CNGA1: variants seen among roughly 807,000 people sequenced by gnomAD.
CNGA1 encodes cyclic nucleotide gated channel subunit alpha 1.
In CNGA1, 53 loss-of-function variants were observed where a neutral mutation model predicts 69.7. That is an observed-to-expected ratio of 0.76 (90% CI 0.61 to 0.96). The LOEUF (loss-of-function observed/expected upper bound fraction) is 0.96, where lower values mean the gene tolerates loss of function less well. Ranked by LOEUF, CNGA1 falls within the 40% of genes least tolerant of loss-of-function variation. The pLI, the probability that CNGA1 is intolerant of heterozygous loss-of-function variation, is 0.00. For missense variants in CNGA1, 739 were observed against 811.2 expected (o/e 0.91, Z 1.08); for synonymous variants, 249 against 283.5 (o/e 0.88, Z 1.22).
At chr4:47,981,327 T>A (rs1449339735) in intron 3 of CNGA1, 66 bp downstream of exon 3, 5 of 151,990 alleles carry the variant, frequency 3.3e-5, no homozygotes, top group South Asian at 2.1e-4. Context: ...CTTTAAAGAG[T>A]CAAAACAGAA....
chr4:47,942,016 A>C, intron 9 of CNGA1, 25 bp downstream of exon 9: 1 of 1,401,078 alleles, frequency 7.1e-7, no homozygotes, highest in East Asian at 2.5e-5. Context: ...GATCCACAAA[A>C]AAAAAAAAAA....
At chr4:47,979,375 G>C (rs1439083103) in intron 3 of CNGA1, among the ~76,000 whole-genome samples, 1 of 151,116 alleles carries the variant, frequency 6.6e-6, no homozygotes, top group African/African-American at 2.4e-5. Context: ...CATGGGAAAG[G>C]ACATTATATT....
intron 6 of CNGA1, among the ~76,000 whole-genome samples, chr4:47,947,859 A>G (rs1739498637): frequency 6.6e-6 from 1 of 152,210 alleles, no homozygotes; most frequent in Admixed American, 6.5e-5. Flanking sequence ...GTGTGAGCAC[A>G]AAGTTTGAAA....
intron 10 of CNGA1, among the ~76,000 whole-genome samples, chr4:47,938,967 A>T (rs1419988996): frequency 6.7e-6 from 1 of 150,234 alleles, no homozygotes; most frequent in Non-Finnish European, 1.5e-5. Flanking sequence ...AGGGAAAGAA[A>T]GAAAGAAAGA....
At chr4:47,976,026 A>T (rs1333222201) in intron 3 of CNGA1, among the ~76,000 whole-genome samples, 2 of 151,118 alleles carry the variant, frequency 1.3e-5, no homozygotes, top group Non-Finnish European at 3.0e-5. Context: ...ATTCATGCTG[A>T]TGACAGGTGT....
chr4:47,957,002 T>G (rs184793465), intron 3 of CNGA1, among the ~76,000 whole-genome samples: 2 of 152,224 alleles, frequency 1.3e-5, no homozygotes, highest in Non-Finnish European at 2.9e-5. Flanking sequence ...AGCACAATCT[T>G]GGTTCACTGC....
chr4:47,938,251 G>T (rs1024035290), intron 10 of CNGA1, among the ~76,000 whole-genome samples: 1 of 151,864 alleles, frequency 6.6e-6, no homozygotes, highest in Admixed American at 6.6e-5. Flanking sequence ...ATCTCTCAAG[G>T]TCTATCATCA....
intron 10 of CNGA1, 77 bp downstream of exon 10, chr4:47,940,686 G>T: frequency 1.9e-6 from 2 of 1,034,718 alleles, no homozygotes; most frequent in Non-Finnish European, 3.0e-6. Context: ...AAGAATACTT[G>T]GATTAGGAAA....
chr4:47,968,183 T>A (rs6814656), intron 3 of CNGA1, among the ~76,000 whole-genome samples: 97,813 of 151,932 alleles, frequency 0.64, 31,904 homozygotes, highest in Non-Finnish European at 0.69. Flanking sequence ...TACAAGGGGA[T>A]CTTAGATAAT....
At chr4:47,982,763 C>G (rs1257321241) in intron 2 of CNGA1, among the ~76,000 whole-genome samples, 2 of 151,976 alleles carry the variant, frequency 1.3e-5, no homozygotes, top group East Asian at 3.9e-4. Context: ...ATTCATTTTC[C>G]TATTATTGGA....
At chr4:47,983,058 C>T (rs1741804357) in intron 2 of CNGA1, among the ~76,000 whole-genome samples, 1 of 152,150 alleles carries the variant, frequency 6.6e-6, no homozygotes, top group Non-Finnish European at 1.5e-5. Context: ...CCCACCTGGG[C>T]CTCCCAAAGT....
chr4:47,986,451 T>G (rs2110226561), intron 2 of CNGA1, among the ~76,000 whole-genome samples: 1 of 152,170 alleles, frequency 6.6e-6, no homozygotes, highest in East Asian at 1.9e-4. Flanking sequence ...TCTAAGTAAT[T>G]TATTATATAA....
rs188700627 is a variant in CNGA1, at chr4:47,971,350, T to C, written c.-15+10043A>G. Among the ~76,000 whole-genome samples the C allele has an allele frequency of 2.8e-4, 42 of 152,246 alleles. 1 individual carries two copies. The East Asian group carries it at 2.9e-3, about 10-fold the overall frequency. ...CTGTATATATTTTATACATTTTGAA[T>C]GTTGTATCATGTAAATTAATTACTT... On this transcript the variant is annotated intron_variant, in intron 3 of 10. Coordinates refer to ENST00000514170, the MANE Select transcript of CNGA1 (RefSeq NM_001379270.1).
At chr4:47,986,241 C>G (rs1031783373) in intron 2 of CNGA1, among the ~76,000 whole-genome samples, 2 of 152,068 alleles carry the variant, frequency 1.3e-5, no homozygotes, top group Non-Finnish European at 2.9e-5. Context: ...AACCCCATCT[C>G]TACTAAAATA....
At chr4:47,956,095 C>T (rs750834528) in intron 3 of CNGA1, among the ~76,000 whole-genome samples, 1 of 152,168 alleles carries the variant, frequency 6.6e-6, no homozygotes, top group Non-Finnish European at 1.5e-5. Flanking sequence ...ACTGAGTCTG[C>T]TTTGCAGCTC....
intron 2 of CNGA1, among the ~76,000 whole-genome samples, chr4:47,998,989 G>A (rs1326594668): frequency 1.3e-5 from 2 of 152,140 alleles, no homozygotes; most frequent in African/African-American, 4.8e-5. Flanking sequence ...CATATTATCA[G>A]AAGGTCAATA....
intron 2 of CNGA1, among the ~76,000 whole-genome samples, chr4:47,997,500 ATT>A (rs1714433245): frequency 6.6e-6 from 1 of 152,180 alleles, no homozygotes; most frequent in Non-Finnish European, 1.5e-5. Flanking sequence ...TTTAATTATT[ATT>A]GTACATGTCT....
At chr4:47,960,433 G>A (rs1490671222) in intron 3 of CNGA1, among the ~76,000 whole-genome samples, 2 of 152,084 alleles carry the variant, frequency 1.3e-5, no homozygotes, top group African/African-American at 4.8e-5. Flanking sequence ...AAATTATAAA[G>A]CTTCTAGATG....
Position 47,937,415 on chromosome 4 carries a change from A to G in CNGA1, c.1067T>C (p.Leu356Ser). The change falls in exon 11 of 11, where the codon TTG becomes TCG. Residue 356 changes from leucine (L) to serine (S), a missense_variant. Transcript: ENST00000514170. ...VYSLYWSTLTLTTIGETPPPV... is the reference protein window; with the variant it reads ...VYSLYWSTLTSTTIGETPPPV... ...AGGGGGTGTTTCACCAATGGTAGTC[A>G]AAGTCAGTGTAGACCAGTAAAGGCT... The G allele has an allele frequency of 6.2e-7, 1 of 1,614,196 alleles. No individual in the cohort carries two copies. Among genetic ancestry groups the G allele is most frequent in the South Asian group, 1.1e-5 (1 of 91,082 alleles).
Sources: gnomAD v4.1 joint callset for allele counts (sites outside exome capture counted in the v4.1 genomes callset) on GRCh38, gnomAD v4.1.1 for gene constraint, MANE v1.5 for transcripts, NCBI Gene and HGNC (gene_info 2026-07-23, HGNC 2026-07-21) for gene names.